COL5A1: variants seen among roughly 807,000 people sequenced by gnomAD.
COL5A1 encodes the protein collagen type V alpha 1 chain.
Under a neutral mutation model 263.7 loss-of-function variants are expected in COL5A1, and 16 were observed. The ratio of observed to expected loss-of-function variants is 0.06; its 90% CI spans 0.04 to 0.09. The LOEUF is 0.09. Among genes scored for constraint, COL5A1 ranks in the 10% least tolerant of loss-of-function variants. The probability of loss-of-function intolerance (pLI) is 1.00; values close to 1 mark genes in which losing one functional copy is unlikely to be tolerated. For missense variants in COL5A1, 2,036 were observed against 2,540.5 expected, an observed-to-expected ratio of 0.80 and a Z score of 4.27; for synonymous variants, 1,012 against 1,004.5, an observed-to-expected ratio of 1.01 and a Z score of -0.14.
In COL5A1 at chr9:134,826,023, C is replaced by T. The variant is rs4842172; in HGVS notation, c.5067+119C>T. 0.7 allele frequency: 436,469 copies of T among 627,506 alleles called. 152,338 individuals are homozygous for T. The highest frequency in any genetic ancestry group is 0.78 in the South Asian group (42,817 of 55,062). The allele number at this position is 627,506 out of a possible 1,614,324, so 38.9% of individuals were successfully genotyped here. A position where few individuals can be genotyped will look rare whatever the true frequency, so the allele number is the denominator to read the frequency against. On this transcript the variant is annotated intron_variant, in intron 63 of 65. Coordinates refer to ENST00000371817, the MANE Select transcript of COL5A1 (RefSeq NM_000093.5). ...TAAGACTGAAAGCCAGAAATGAATC[C>T]GTTTCATCAGTGAAACTGTTCTTTC...
In COL5A1 at chr9:134,647,062, G is replaced by A. The variant is rs1022426004; in HGVS notation, c.109+4766G>A. Among the ~76,000 whole-genome samples the A allele has an allele frequency of 6.6e-6, 1 of 152,168 alleles. No homozygotes were observed. Among genetic ancestry groups the A allele is most frequent in the Non-Finnish European group, 1.5e-5 (1 of 68,020 alleles). On this transcript the variant is annotated intron_variant, in intron 1 of 65. Coordinates refer to ENST00000371817, the MANE Select transcript of COL5A1 (RefSeq NM_000093.5). This position sits in a 1 kb window ranked among gnomAD's most constrained non-coding sequence, Gnocchi z 5.0. ...CTGGCTGTGTGGGGACGTTACCATCGCCCCCATCTTCAGTGGTGGTTTTGC... is the reference window on the plus strand; with the variant it reads ...CTGGCTGTGTGGGGACGTTACCATCACCCCCATCTTCAGTGGTGGTTTTGC...
rs954188929 is a variant in COL5A1 at position 134,754,091 on chromosome 9, T to G, written c.1774-182T>G. On this transcript the variant is annotated intron_variant, in intron 15 of 65. Coordinates refer to ENST00000371817, the MANE Select transcript of COL5A1 (RefSeq NM_000093.5). This position sits in a 1 kb window ranked among gnomAD's most constrained non-coding sequence, Gnocchi z 4.3. ...ACACCTGCGGCAGAAATGAGCTGGCTGTATTCTGTCCCTGGCCTTCATTCT... is the reference window on the plus strand; with the variant it reads ...ACACCTGCGGCAGAAATGAGCTGGCGGTATTCTGTCCCTGGCCTTCATTCT... 2.0e-5 allele frequency among the ~76,000 whole-genome samples: 3 copies of G among 152,252 alleles called. No individual in the cohort carries two copies. Among genetic ancestry groups the G allele is most frequent in the African/African-American group, 4.8e-5 (2 of 41,464 alleles).
intron 65 of COL5A1, among the ~76,000 whole-genome samples, chr9:134,835,977 G>A (rs1190977264): frequency 6.6e-6 from 1 of 152,206 alleles, no homozygotes; most frequent in Non-Finnish European, 1.5e-5. Context: ...CCCCTCGTGT[G>A]GCCTTTTAGA....
chr9:134,699,879 C>T, intron 2 of COL5A1, 30 bp from the exon 3 acceptor site: 1 of 1,609,366 alleles, frequency 6.2e-7, no homozygotes, highest in Non-Finnish European at 8.5e-7. Flanking sequence ...GGCTCCCCGA[C>T]TGCCTTCTCA....
chr9:134,702,299 C>T lies in COL5A1; in HGVS notation c.654+966C>T, dbSNP rs774786076. On this transcript the variant is annotated intron_variant, in intron 4 of 65. Coordinates refer to ENST00000371817, the MANE Select transcript of COL5A1 (RefSeq NM_000093.5). Reference sequence around the variant, plus strand: ...GAAAGCCACTGGCTTAAATGGCCTCCGAGGGCCATCCTGGCTCTGGGATTT... The same window carrying T: ...GAAAGCCACTGGCTTAAATGGCCTCTGAGGGCCATCCTGGCTCTGGGATTT... Among the ~76,000 whole-genome samples the T allele has an allele frequency of 5.3e-5, 8 of 152,300 alleles. No homozygotes were observed. The South Asian group carries it at 8.3e-4, about 16-fold the overall frequency.
Position 134,784,889 on chromosome 9 carries a change from G to A in COL5A1, c.2485-100G>A. ...GGTGGAGCAGCTCTGACCACAGGGT[G>A]CCTGTGACCTGTCCCCTTGCTCCTT... is the stretch of plus-strand genomic sequence containing the variant. On this transcript the variant is annotated intron_variant, in intron 29 of 65. Coordinates refer to ENST00000371817, the MANE Select transcript of COL5A1 (RefSeq NM_000093.5). 4 of 957,278 alleles carry A rather than the reference G, an allele frequency of 4.2e-6. 1 individual carries two copies. The South Asian group carries it at 5.4e-5, about 13-fold the overall frequency. 59.3% of individuals were successfully genotyped at this position (957,278 alleles called of 1,614,324 possible).
rs114883833 is a variant in COL5A1, at chr9:134,801,429, G to A, written c.2953-525G>A. On this transcript the variant is annotated intron_variant, in intron 37 of 65. Coordinates refer to ENST00000371817, the MANE Select transcript of COL5A1 (RefSeq NM_000093.5). ...TGGTGACATGATAAAGGCGAATCGC[G>A]TCGGCCTAAAGATGCAGAGGCAGGA... is the stretch of plus-strand genomic sequence containing the variant. Among the ~76,000 whole-genome samples, 855 of 152,344 alleles carry A rather than the reference G, an allele frequency of 5.6e-3. 13 individuals are homozygous for A. Among genetic ancestry groups the A allele is most frequent in the African/African-American group, 0.019 (804 of 41,596 alleles).
intron 29 of COL5A1, among the ~76,000 whole-genome samples, chr9:134,783,152 C>T (rs539046402): frequency 2.0e-5 from 3 of 152,346 alleles, no homozygotes; most frequent in South Asian, 2.1e-4. Flanking sequence ...ACACGGCCGG[C>T]GCCCACAGGG....
At position 134,801,934 on chromosome 9, in the gene COL5A1, C is replaced by G. The variant is rs1564468395; in HGVS notation, c.2953-20C>G. On this transcript the variant is annotated intron_variant, in intron 37 of 65. Coordinates refer to ENST00000371817, the MANE Select transcript of COL5A1 (RefSeq NM_000093.5). Reference sequence around the variant, plus strand: ...GCAGGCCACTGCAGCACCGTCAGTGCAGTGACTCTCTCTTCACAGGGTTTC... The same window carrying G: ...GCAGGCCACTGCAGCACCGTCAGTGGAGTGACTCTCTCTTCACAGGGTTTC... 6.2e-7 allele frequency: 1 copy of G among 1,612,836 alleles called. No individual in the cohort carries two copies. Among genetic ancestry groups the G allele is most frequent in the African/African-American group, 1.3e-5 (1 of 75,070 alleles).
rs372586804 is a variant in COL5A1 at position 134,703,782 on chromosome 9, C to T, written c.654+2449C>T. On this transcript the variant is annotated intron_variant, in intron 4 of 65. Coordinates refer to ENST00000371817, the MANE Select transcript of COL5A1 (RefSeq NM_000093.5). ...CCTCTCGAGTAGCTGGGACTACAGGCGCCCGCCACCACACCCAGCTAATTT... is the reference window on the plus strand; with the variant it reads ...CCTCTCGAGTAGCTGGGACTACAGGTGCCCGCCACCACACCCAGCTAATTT... Among the ~76,000 whole-genome samples, 134 of 152,040 alleles carry T rather than the reference C, an allele frequency of 8.8e-4. No individual in the cohort carries two copies. The Middle Eastern group carries it at 0.024, about 27-fold the overall frequency.
chr9:134,700,224 C>A lies in COL5A1; in HGVS notation c.491+102C>A. ...GGGCACAGTAGAGGACGTGCAGCAG[C>A]CGGTACTGAGACTCCCACAGACGCC... is the stretch of plus-strand genomic sequence containing the variant. On this transcript the variant is annotated intron_variant, in intron 3 of 65. Coordinates refer to ENST00000371817, the MANE Select transcript of COL5A1 (RefSeq NM_000093.5). The surrounding 1 kb of genome is among the most constrained non-coding windows in gnomAD (Gnocchi z 4.0). 6 of 1,144,438 alleles carry A rather than the reference C, an allele frequency of 5.2e-6. No individual in the cohort carries two copies. In the South Asian group the frequency reaches 8.2e-5, roughly 16 times the overall value. 70.9% of individuals were successfully genotyped at this position (1,144,438 alleles called of 1,614,324 possible).
chr9:134,685,034 TCATCCATCCAC>T (rs1157669114), intron 1 of COL5A1, among the ~76,000 whole-genome samples: 4 of 65,040 alleles, frequency 6.2e-5, no homozygotes, highest in East Asian at 5.2e-4. Flanking sequence ...ATCCATCCAT[TCATCCATCCAC>T]CATCCATCCA....
chr9:134,677,250 A>G lies in COL5A1; in HGVS notation c.110-13662A>G, dbSNP rs1832708519. ...GGAAGCCTGAAAGTCCAGCCTTTTTATCCAGATCTCAGCTACCAGTCATGG... is the reference window on the plus strand; with the variant it reads ...GGAAGCCTGAAAGTCCAGCCTTTTTGTCCAGATCTCAGCTACCAGTCATGG... On this transcript the variant is annotated intron_variant, in intron 1 of 65. Coordinates refer to ENST00000371817, the MANE Select transcript of COL5A1 (RefSeq NM_000093.5). The surrounding 1 kb of genome is among the most constrained non-coding windows in gnomAD (Gnocchi z 4.4). 6.6e-6 allele frequency among the ~76,000 whole-genome samples: 1 copy of G among 151,874 alleles called. No homozygotes were observed. The highest frequency in any genetic ancestry group is 2.1e-4 in the South Asian group (1 of 4,790).
In COL5A1 at chr9:134,842,451, G is replaced by T. The variant is rs1229441929; in HGVS notation, c.*148G>T. On this transcript the variant is annotated 3_prime_UTR_variant, in exon 66 of 66. Coordinates refer to ENST00000371817, the MANE Select transcript of COL5A1 (RefSeq NM_000093.5). This position sits in a 1 kb window ranked among gnomAD's most constrained non-coding sequence, Gnocchi z 5.8. ...TTCATCTACGCCTCGGCACCACGGG[G>T]TGTGGGACCCCAGCCCGGAGAGAAC... 1.0e-6 allele frequency: 1 copy of T among 958,300 alleles called. No homozygotes were observed. The highest frequency in any genetic ancestry group is 1.6e-6 in the Non-Finnish European group (1 of 631,310). The allele number at this position is 958,300 out of a possible 1,614,324, so 59.4% of individuals were successfully genotyped here. A position where few individuals can be genotyped will look rare whatever the true frequency, so the allele number is the denominator to read the frequency against.
At chr9:134,812,574 T>C in intron 47 of COL5A1, 31 bp from the exon 48 acceptor site, 24 of 1,609,774 alleles carry the variant, frequency 1.5e-5, no homozygotes, top group Non-Finnish European at 2.0e-5. Context: ...TTGCGTTTCC[T>C]CTGGGCTCAG....
rs863223442 is a variant in COL5A1 at position 134,750,582 on chromosome 9, T to C, written c.1535T>C (p.Leu512Pro). The change falls in exon 12 of 66, where the codon CTG becomes CCG. Residue 512 changes from leucine (L) to proline (P), a missense_variant. Physicochemically the swap from Leu to Pro is moderately conservative, Grantham distance 98. Transcript: ENST00000371817. ...GRPGLPGADG[L>P]PGPPGTMLML... The stretch of plus-strand genomic sequence containing the variant: ...CCAGGCCTTCCTGGGGCCGATGGCC[T>C]GCCCGGTCCTCCAGGAACCATGCTC... 1 of 1,613,558 alleles carries C rather than the reference T, an allele frequency of 6.2e-7. No individual in the cohort carries two copies. Among genetic ancestry groups the C allele is most frequent in the Non-Finnish European group, 8.5e-7 (1 of 1,180,032 alleles).
At chr9:134,685,992 CCACCCATCCATCCATT>C (rs1833067568) in intron 1 of COL5A1, among the ~76,000 whole-genome samples, 1 of 151,860 alleles carries the variant, frequency 6.6e-6, no homozygotes, top group Non-Finnish European at 1.5e-5. Flanking sequence ...ATCCATCCAC[CCACCCATCCATCCATT>C]CATCCATCCA....
intron 4 of COL5A1, among the ~76,000 whole-genome samples, chr9:134,705,325 C>T (rs969656653): frequency 2.6e-5 from 4 of 152,218 alleles, no homozygotes; most frequent in South Asian, 2.1e-4. Flanking sequence ...TGGGTATAGA[C>T]GCGGAGCCTG....
chr9:134,699,766 G>A (rs1304838915), intron 2 of COL5A1, 143 bp from the exon 3 acceptor site: 2 of 794,132 alleles, frequency 2.5e-6, no homozygotes, highest in Non-Finnish European at 2.2e-6. Flanking sequence ...TGATCAAGGG[G>A]CAGATGTGCA....
Sources: allele counts gnomAD v4.1 joint callset (sites outside exome capture counted in the v4.1 genomes callset), GRCh38; gene constraint gnomAD v4.1.1; non-coding constraint Gnocchi (gnomAD v3.1); transcripts MANE v1.5; gene names NCBI Gene and HGNC (gene_info 2026-07-23, HGNC 2026-07-21).